The following CATSPERB variants were observed in gnomAD, a reference collection of about 807,000 sequenced individuals.
CATSPERB encodes catsper channel auxiliary subunit beta.
A neutral mutation model predicts 128.3 loss-of-function variants in CATSPERB; 93 were observed. That is an observed-to-expected ratio of 0.72 (90% CI 0.61 to 0.86). The LOEUF (loss-of-function observed/expected upper bound fraction) is 0.86. CATSPERB is among the 40% of genes least tolerant of loss of function. CATSPERB has a pLI of 0.00. For synonymous variants in CATSPERB, 381 were observed against 448.8 expected (o/e 0.85, Z 1.91); for missense variants, 1,153 against 1,329.5 (o/e 0.87, Z 2.06).
intron 10 of CATSPERB, among the ~76,000 whole-genome samples, chr14:91,685,648 C>T (rs901701823): frequency 2.0e-5 from 3 of 152,160 alleles, no homozygotes; most frequent in African/African-American, 4.8e-5. Flanking sequence ...ACAGGAGGAG[C>T]ACCTTGGTGG....
intron 18 of CATSPERB, among the ~76,000 whole-genome samples, chr14:91,624,335 T>G (rs1344714588): frequency 6.6e-6 from 1 of 152,190 alleles, no homozygotes; most frequent in African/African-American, 2.4e-5. Context: ...ACAAAAGAGA[T>G]TAGCTGGGCG....
At chr14:91,602,277 A>C (rs1893618763) in intron 22 of CATSPERB, among the ~76,000 whole-genome samples, 1 of 152,180 alleles carries the variant, frequency 6.6e-6, no homozygotes, top group Admixed American at 6.5e-5. Context: ...AGGTAGGTTT[A>C]TGTAGTCATA....
At chr14:91,615,084 G>C (rs766492402) in intron 20 of CATSPERB, among the ~76,000 whole-genome samples, 1 of 152,030 alleles carries the variant, frequency 6.6e-6, no homozygotes, top group Admixed American at 6.6e-5. Context: ...CTGAGATCTT[G>C]TACCCCAGGG....
chr14:91,672,660 C>T (rs968711817), intron 13 of CATSPERB, among the ~76,000 whole-genome samples: 2 of 152,036 alleles, frequency 1.3e-5, no homozygotes, highest in Admixed American at 6.5e-5. Context: ...TACAGCATCA[C>T]GTTTTCCATT....
intron 15 of CATSPERB, among the ~76,000 whole-genome samples, chr14:91,650,206 T>C (rs1894679443): frequency 6.6e-6 from 1 of 152,230 alleles, no homozygotes; most frequent in Non-Finnish European, 1.5e-5. Flanking sequence ...TATTTATAAC[T>C]TTTATAAAGT....
At chr14:91,685,080 C>G (rs976086962) in intron 10 of CATSPERB, among the ~76,000 whole-genome samples, 1 of 152,068 alleles carries the variant, frequency 6.6e-6, no homozygotes, top group Non-Finnish European at 1.5e-5. Context: ...GTGTGCACCA[C>G]CATGCCTGGG....
At chr14:91,705,813 C>CA (rs1895723216) in intron 6 of CATSPERB, among the ~76,000 whole-genome samples, 1 of 152,148 alleles carries the variant, frequency 6.6e-6, no homozygotes, top group African/African-American at 2.4e-5. Flanking sequence ...CCAGGGTAGA[C>CA]AATGAGCCTT....
chr14:91,586,371 C>G (rs895017817), intron 26 of CATSPERB, among the ~76,000 whole-genome samples: 1 of 152,104 alleles, frequency 6.6e-6, no homozygotes, highest in Admixed American at 6.5e-5. Flanking sequence ...AAAAAAATAA[C>G]AAGGATTTTC....
intron 22 of CATSPERB, chr14:91,605,296 T>G (rs1893679399): frequency 1.1e-6 from 1 of 925,144 alleles, no homozygotes; most frequent in African/African-American, 1.6e-5. Flanking sequence ...GCAGGCTTTG[T>G]GAACAAGCTG....
At chr14:91,642,740 G>A (rs1208259133) in intron 15 of CATSPERB, among the ~76,000 whole-genome samples, 3 of 138,232 alleles carry the variant, frequency 2.2e-5, no homozygotes, top group Non-Finnish European at 4.7e-5. Flanking sequence ...AGTTAGGGAG[G>A]ATTCCCTCTT....
chr14:91,701,183 G>A (rs986823063), intron 7 of CATSPERB, among the ~76,000 whole-genome samples: 4 of 152,098 alleles, frequency 2.6e-5, no homozygotes, highest in African/African-American at 7.2e-5. Flanking sequence ...AATGTGAGCG[G>A]TGAGGAGGTC....
intron 7 of CATSPERB, among the ~76,000 whole-genome samples, chr14:91,693,760 T>A (rs1352218464): frequency 3.3e-5 from 5 of 152,198 alleles, no homozygotes; most frequent in African/African-American, 9.7e-5. Flanking sequence ...TTGTACTGTA[T>A]CTTTTTTTAC....
At chr14:91,692,727 C>T (rs564190199) in intron 9 of CATSPERB, among the ~76,000 whole-genome samples, 5 of 152,270 alleles carry the variant, frequency 3.3e-5, no homozygotes, top group South Asian at 4.1e-4. Context: ...TTCACCTAAA[C>T]GTGTATTTCC....
At position 91,717,861 on chromosome 14, in the gene CATSPERB, A is replaced by G. The variant is rs543035013; in HGVS notation, c.370+1557T>C. On this transcript the variant is annotated intron_variant, in intron 5 of 26. Transcript: ENST00000256343. ...TCTGAACATTTTTCCCCTGATTTTT[A>G]GCATATTACTATCTACATAAACCAT... Among the ~76,000 whole-genome samples, 79 of 152,324 alleles carry G rather than the reference A, an allele frequency of 5.2e-4. 2 individuals carry two copies. The South Asian group carries it at 0.016, about 30-fold the overall frequency.
Position 91,608,285 on chromosome 14 carries a change from G to A in CATSPERB, c.2709+9C>T, listed in dbSNP as rs182981119. The A allele has an allele frequency of 6.5e-6, 10 of 1,534,950 alleles. No homozygotes were observed. The highest frequency in any genetic ancestry group is 7.2e-6 in the Non-Finnish European group (8 of 1,112,004). Reference sequence around the variant, plus strand: ...TAAGTGCTAGATTATTTGTAAAAAAGTTATTTACCTTTGACATGTGAAACA... The same window carrying A: ...TAAGTGCTAGATTATTTGTAAAAAAATTATTTACCTTTGACATGTGAAACA... On this transcript the variant is annotated intron_variant, in intron 22 of 26. Transcript: ENST00000256343.
At chr14:91,686,061 T>C (rs538134396) in intron 10 of CATSPERB, among the ~76,000 whole-genome samples, 1 of 152,342 alleles carries the variant, frequency 6.6e-6, no homozygotes, top group South Asian at 2.1e-4. Context: ...AAAATAATTA[T>C]TCCAAGTTAC....
chr14:91,632,398 T>C (rs1894295902), intron 17 of CATSPERB, among the ~76,000 whole-genome samples: 1 of 152,092 alleles, frequency 6.6e-6, no homozygotes, highest in South Asian at 2.1e-4. Flanking sequence ...TGCTACAGAA[T>C]GGTACATCTT....
chr14:91,605,415 A>G (rs1247220049), intron 22 of CATSPERB: 5 of 521,324 alleles, frequency 9.6e-6, no homozygotes, highest in Non-Finnish European at 1.7e-5. Flanking sequence ...TCTTAGAGAA[A>G]TATGACCTCC....
intron 10 of CATSPERB, among the ~76,000 whole-genome samples, chr14:91,685,538 TCTTGACCGGAAC>T (rs1895358929): frequency 6.6e-6 from 1 of 152,114 alleles, no homozygotes; most frequent in Non-Finnish European, 1.5e-5. Flanking sequence ...ATAAGATAGA[TCTTGACCGGAAC>T]CTAAAATCTT....
Sources: allele counts gnomAD v4.1 joint callset (sites outside exome capture counted in the v4.1 genomes callset), GRCh38; gene constraint gnomAD v4.1.1; transcripts MANE v1.5; gene names NCBI Gene and HGNC (gene_info 2026-07-23, HGNC 2026-07-21).